The following TYW3 variants were observed in gnomAD, a reference collection of about 807,000 sequenced individuals.
TYW3 encodes tRNA wybutosine-synthesizing protein 3 homolog.
Under a neutral mutation model 23.1 loss-of-function variants are expected in TYW3, and 26 were observed. That is an observed-to-expected ratio of 1.13 (90% CI 0.83 to 1.56). TYW3 has a LOEUF of 1.56. TYW3 is among the 40% of genes most tolerant of loss of function. The pLI, the probability that TYW3 is intolerant of heterozygous loss-of-function variation, is 0.00. For missense variants in TYW3, 316 were observed against 311.9 expected, an observed-to-expected ratio of 1.01 and a Z score of -0.10; for synonymous variants, 102 against 105.7, an observed-to-expected ratio of 0.97 and a Z score of 0.21.
intron 3 of TYW3, among the ~76,000 whole-genome samples, chr1:74,745,457 CAG>C (rs1314271406): frequency 6.6e-6 from 1 of 151,986 alleles, no homozygotes; most frequent in Non-Finnish European, 1.5e-5. Flanking sequence ...TAGCTAGACA[CAG>C]AGCACTGATT....
intron 5 of TYW3, 75 bp from the exon 6 acceptor site, chr1:74,763,817 CTT>C: frequency 8.9e-7 from 1 of 1,128,462 alleles, no homozygotes; most frequent in East Asian, 2.4e-5. Flanking sequence ...ATTTACATAA[CTT>C]ATAAGCTCTT....
chr1:74,743,815 C>A (rs1648448460), intron 3 of TYW3, among the ~76,000 whole-genome samples: 1 of 152,302 alleles, frequency 6.6e-6, no homozygotes, highest in South Asian at 2.1e-4. Context: ...GCTAAAGCCA[C>A]ATTCTTTTCA....
chr1:74,750,435 G>C (rs1306304064), intron 4 of TYW3, among the ~76,000 whole-genome samples: 2 of 152,058 alleles, frequency 1.3e-5, no homozygotes, highest in African/African-American at 4.8e-5. Flanking sequence ...ATGGTGGCAT[G>C]TGCCTGTAAT....
At chr1:74,739,658 T>C (rs778612326) in intron 3 of TYW3, among the ~76,000 whole-genome samples, 1 of 152,242 alleles carries the variant, frequency 6.6e-6, no homozygotes, top group Non-Finnish European at 1.5e-5. Flanking sequence ...TTAAAGAGTT[T>C]GAATTTCTTT....
chr1:74,758,255 T>C (rs1649017178), intron 5 of TYW3, among the ~76,000 whole-genome samples: 1 of 152,238 alleles, frequency 6.6e-6, no homozygotes, highest in African/African-American at 2.4e-5. Context: ...TTCCATGTAC[T>C]GGCAGGTCTT....
intron 5 of TYW3, among the ~76,000 whole-genome samples, chr1:74,762,814 A>T (rs796416073): frequency 1.3e-5 from 2 of 152,156 alleles, no homozygotes; most frequent in South Asian, 4.1e-4. Context: ...ACACCATGCT[A>T]TGCTGCCTGC....
At chr1:74,738,431 T>A (rs1254873956) in intron 2 of TYW3, among the ~76,000 whole-genome samples, 1 of 152,214 alleles carries the variant, frequency 6.6e-6, no homozygotes, top group African/African-American at 2.4e-5. Context: ...AATAAAGTAG[T>A]AGTTTACTTC....
At position 74,764,323 on chromosome 1, in the gene TYW3, C is replaced by A. The variant is rs903663426; in HGVS notation, c.*210C>A. 69 of 440,184 alleles carry A rather than the reference C, an allele frequency of 1.6e-4. No homozygotes were observed. The highest frequency in any genetic ancestry group is 1.4e-3 in the African/African-American group (69 of 49,370). 27.3% of individuals were successfully genotyped at this position (440,184 alleles called of 1,614,324 possible). On this transcript the variant is annotated 3_prime_UTR_variant, in exon 6 of 6. Coordinates refer to ENST00000370867, the MANE Select transcript of TYW3 (RefSeq NM_138467.3). ...TACCCGGCTTATCCTACGACTTCACCTGAAATGCTATAGTTATCCCTACTT... is the reference window on the plus strand; with the variant it reads ...TACCCGGCTTATCCTACGACTTCACATGAAATGCTATAGTTATCCCTACTT...
chr1:74,758,181 T>A (rs963001905), intron 5 of TYW3, among the ~76,000 whole-genome samples: 1 of 152,206 alleles, frequency 6.6e-6, no homozygotes, highest in Non-Finnish European at 1.5e-5. Context: ...CTTCTTCCTC[T>A]TCATTAAATA....
chr1:74,738,120 A>AC (rs1557741886), intron 2 of TYW3, among the ~76,000 whole-genome samples: 1 of 151,906 alleles, frequency 6.6e-6, no homozygotes, highest in African/African-American at 2.4e-5. Flanking sequence ...AAAAAAACAA[A>AC]CAAAAAAACT....
At chr1:74,756,039 C>T (rs909772508) in intron 5 of TYW3, among the ~76,000 whole-genome samples, 5 of 152,178 alleles carry the variant, frequency 3.3e-5, no homozygotes, top group African/African-American at 7.2e-5. Context: ...TTGCCTGCTG[C>T]CATGTGAGAC....
intron 3 of TYW3, among the ~76,000 whole-genome samples, chr1:74,744,322 A>G (rs1235627147): frequency 6.6e-6 from 1 of 152,020 alleles, no homozygotes; most frequent in Admixed American, 6.5e-5. Context: ...TGTAATTTAT[A>G]CTGCCCTCAG....
intron 5 of TYW3, among the ~76,000 whole-genome samples, chr1:74,757,096 G>A (rs1285943115): frequency 6.6e-6 from 1 of 152,248 alleles, no homozygotes; most frequent in Non-Finnish European, 1.5e-5. Context: ...TGCCCAGATG[G>A]AAGTTTAGTG....
intron 5 of TYW3, chr1:74,761,755 T>A (rs1183488827): frequency 2.0e-5 from 3 of 152,164 alleles, no homozygotes; most frequent in Non-Finnish European, 4.4e-5. Flanking sequence ...GAAGTTTTCA[T>A]CAATGTAAGG....
intron 5 of TYW3, among the ~76,000 whole-genome samples, chr1:74,763,310 T>G (rs1223497637): frequency 6.6e-6 from 1 of 152,128 alleles, no homozygotes; most frequent in Non-Finnish European, 1.5e-5. Flanking sequence ...TACCACATTT[T>G]TGTTTGTATC....
rs1461857165 is a variant in TYW3 at position 74,764,141 on chromosome 1, A to G, written c.*28A>G. On this transcript the variant is annotated 3_prime_UTR_variant, in exon 6 of 6. Transcript: ENST00000370867. ...TTTGGTTCTGATGTGTCTTGGCCGT[A>G]ATGTTTCTAGTAGGTTTTATAAAGC... 1 of 1,578,656 alleles carries G rather than the reference A, an allele frequency of 6.3e-7. No homozygotes were observed. The highest frequency in any genetic ancestry group is 8.6e-7 in the Non-Finnish European group (1 of 1,162,976).
chr1:74,758,520 T>C (rs1649025587), intron 5 of TYW3, among the ~76,000 whole-genome samples: 1 of 106,262 alleles, frequency 9.4e-6, no homozygotes, highest in Non-Finnish European at 1.9e-5. Flanking sequence ...CTGATTCTTA[T>C]CGTCATTTAC....
chr1:74,749,527 G>C (rs1433793139), intron 4 of TYW3, among the ~76,000 whole-genome samples: 1 of 152,132 alleles, frequency 6.6e-6, no homozygotes, highest in East Asian at 1.9e-4. Context: ...GATATTTACT[G>C]TTTGGCATGG....
intron 3 of TYW3, among the ~76,000 whole-genome samples, chr1:74,747,910 C>CACGTATATACATATATACAT (rs1648643628): frequency 6.6e-6 from 1 of 151,302 alleles, no homozygotes; most frequent in East Asian, 1.9e-4. Context: ...CATATATACA[C>CACGTATATACATATATACAT]ACGTATATAC....
Sources: allele counts gnomAD v4.1 joint callset (sites outside exome capture counted in the v4.1 genomes callset), GRCh38; gene constraint gnomAD v4.1.1; transcripts MANE v1.5; gene names NCBI Gene and HGNC (gene_info 2026-07-23, HGNC 2026-07-21).